Variants in PLS1 observed in about 807,000 individuals in gnomAD.
PLS1 encodes plastin-1.
In PLS1, 32 loss-of-function variants were observed where a neutral mutation model predicts 73.7. The observed-to-expected ratio is 0.43, with a 90% CI of 0.33 to 0.58. The LOEUF is 0.58. Ranked by LOEUF, PLS1 falls within the 20% of genes least tolerant of loss-of-function variation. The pLI, the probability that PLS1 is intolerant of heterozygous loss-of-function variation, is 0.04. For missense variants in PLS1, 633 were observed against 740.5 expected, an observed-to-expected ratio of 0.85 and a Z score of 1.68; for synonymous variants, 217 against 261.3, an observed-to-expected ratio of 0.83 and a Z score of 1.63.
chr3:142,679,546 C>G (rs62278479), intron 6 of PLS1, among the ~76,000 whole-genome samples: 1 of 152,198 alleles, frequency 6.6e-6, no homozygotes, highest in East Asian at 1.9e-4. Flanking sequence ...TTCCCCATTG[C>G]TTGTTTTTCT....
intron 1 of PLS1, among the ~76,000 whole-genome samples, chr3:142,632,160 T>TA (rs752503759): frequency 2.0e-5 from 3 of 152,182 alleles, no homozygotes; most frequent in African/African-American, 7.2e-5. Flanking sequence ...TGGTTCGACT[T>TA]ACAATTTTTT....
chr3:142,616,882 G>A (rs1352627295), intron 1 of PLS1, among the ~76,000 whole-genome samples: 1 of 152,196 alleles, frequency 6.6e-6, no homozygotes, highest in Non-Finnish European at 1.5e-5. Flanking sequence ...GATTACAGGT[G>A]TGAGCCACCG....
In PLS1 at chr3:142,711,990, C is replaced by CT; in HGVS notation, c.1874dup (p.Asn626GlufsTer15). On this transcript the variant is annotated frameshift_variant, in exon 16 of 16. Coordinates refer to ENST00000457734, the MANE Select transcript of PLS1 (RefSeq NM_001145319.2). LOFTEE classifies it high-confidence loss of function. ...GTTTGCATGCTTAATGGGAAAAGGA[C>CT]TGAACAGAATAAAATAATCATTTCA... The CT allele has an allele frequency of 6.2e-7, 1 of 1,613,146 alleles. No individual in the cohort carries two copies. Among genetic ancestry groups the CT allele is most frequent in the Non-Finnish European group, 8.5e-7 (1 of 1,179,224 alleles).
intron 10 of PLS1, among the ~76,000 whole-genome samples, chr3:142,692,568 T>C (rs2038108279): frequency 6.6e-6 from 1 of 152,094 alleles, no homozygotes; most frequent in South Asian, 2.1e-4. Flanking sequence ...ATAAAATCTA[T>C]TTTACTTTCC....
intron 1 of PLS1, among the ~76,000 whole-genome samples, chr3:142,640,199 T>G (rs541564508): frequency 8.2e-4 from 125 of 152,290 alleles, no homozygotes; most frequent in Middle Eastern, 3.4e-3. Flanking sequence ...AGTAGGCAGA[T>G]GAATCTACTT....
intron 1 of PLS1, among the ~76,000 whole-genome samples, chr3:142,614,029 G>C (rs2036168306): frequency 6.6e-6 from 1 of 152,048 alleles, no homozygotes; most frequent in African/African-American, 2.4e-5. Flanking sequence ...TCTTTCATTA[G>C]TCCAGATCTT....
chr3:142,604,717 G>C (rs1297136004), intron 1 of PLS1, among the ~76,000 whole-genome samples: 1 of 152,086 alleles, frequency 6.6e-6, no homozygotes, highest in Non-Finnish European at 1.5e-5. Context: ...GGCGGATCAC[G>C]AGGTCAGGAT....
intron 1 of PLS1, among the ~76,000 whole-genome samples, chr3:142,643,259 A>G (rs1355515368): frequency 6.6e-6 from 1 of 152,210 alleles, no homozygotes; most frequent in Non-Finnish European, 1.5e-5. Context: ...TAGAGTGATC[A>G]GAGAGGAGGT....
intron 11 of PLS1, among the ~76,000 whole-genome samples, chr3:142,694,814 A>G (rs1400246808): frequency 2.0e-5 from 3 of 152,202 alleles, no homozygotes; most frequent in Admixed American, 1.3e-4. Context: ...AATAATTTCA[A>G]CTTTAACAGA....
At chr3:142,671,256 G>T in intron 4 of PLS1, 134 bp downstream of exon 4, 1 of 740,534 alleles carries the variant, frequency 1.4e-6, no homozygotes, top group South Asian at 1.6e-5. Context: ...AAAAAATACT[G>T]CAGACCACAG....
At position 142,712,093 on chromosome 3, in the gene PLS1, G is replaced by C; in HGVS notation, c.*86G>C. ...CTGAAATGTAGTGGGTGTAAAACCA[G>C]AGATTATTTGTATGCTCAAAATAGT... On this transcript the variant is annotated 3_prime_UTR_variant, in exon 16 of 16. Transcript: ENST00000457734. The C allele has an allele frequency of 1.7e-6, 2 of 1,166,424 alleles. No homozygotes were observed. The highest frequency in any genetic ancestry group is 2.5e-6 in the Non-Finnish European group (2 of 788,186). The allele number at this position is 1,166,424 out of a possible 1,614,324, so 72.3% of individuals were successfully genotyped here. A position where few individuals can be genotyped will look rare whatever the true frequency, so the allele number is the denominator to read the frequency against.
At chr3:142,641,297 GATAA>G (rs1335966695) in intron 1 of PLS1, among the ~76,000 whole-genome samples, 15 of 140,954 alleles carry the variant, frequency 1.1e-4, no homozygotes, top group East Asian at 4.0e-4. Flanking sequence ...ATTATATATA[GATAA>G]ATAATATATA....
chr3:142,702,528 T>G (rs1348819826), intron 12 of PLS1, among the ~76,000 whole-genome samples: 1 of 152,202 alleles, frequency 6.6e-6, no homozygotes, highest in Non-Finnish European at 1.5e-5. Flanking sequence ...TTAAGAAAAG[T>G]AGTGTTCTCC....
intron 1 of PLS1, among the ~76,000 whole-genome samples, chr3:142,655,826 C>G (rs1309465292): frequency 6.6e-6 from 1 of 151,780 alleles, no homozygotes; most frequent in Non-Finnish European, 1.5e-5. Context: ...CATAATGGTG[C>G]ATAATTGAAG....
intron 1 of PLS1, among the ~76,000 whole-genome samples, chr3:142,659,848 C>T (rs2107815548): frequency 6.6e-6 from 1 of 152,160 alleles, no homozygotes; most frequent in South Asian, 2.1e-4. Context: ...AGGTGTGTGC[C>T]ACCACGCCTG....
chr3:142,676,498 G>C (rs2037728683), intron 5 of PLS1, among the ~76,000 whole-genome samples: 1 of 152,016 alleles, frequency 6.6e-6, no homozygotes, highest in Non-Finnish European at 1.5e-5. Flanking sequence ...TTGTTTTTCT[G>C]TTGCCTTTTA....
At chr3:142,699,812 A>G (rs965779386) in intron 12 of PLS1, among the ~76,000 whole-genome samples, 2 of 152,242 alleles carry the variant, frequency 1.3e-5, no homozygotes, top group African/African-American at 4.8e-5. Context: ...AGGGAAATAC[A>G]TCATAATATT....
intron 10 of PLS1, among the ~76,000 whole-genome samples, chr3:142,692,134 A>G (rs2038097564): frequency 6.6e-6 from 1 of 152,122 alleles, no homozygotes; most frequent in South Asian, 2.1e-4. Flanking sequence ...ATGGTCAGGG[A>G]GGGAGGAGGA....
chr3:142,683,976 T>G (rs760977569), intron 6 of PLS1, 30 bp from the exon 7 acceptor site: 14 of 1,561,770 alleles, frequency 9.0e-6, no homozygotes, highest in Non-Finnish European at 1.2e-5. Context: ...AAGGACTTCC[T>G]CATGTGTACT....
Sources: gnomAD v4.1 joint callset for allele counts (sites outside exome capture counted in the v4.1 genomes callset) on GRCh38, gnomAD v4.1.1 for gene constraint, MANE v1.5 for transcripts, NCBI Gene and HGNC (gene_info 2026-07-23, HGNC 2026-07-21) for gene names.